NCAM1: variants seen among roughly 807,000 people sequenced by gnomAD.
The protein encoded by NCAM1 is antigen recognized by monoclonal antibody 5.1H11.
NCAM1 carries 14 observed loss-of-function variants against 109.8 expected under a neutral mutation model. The observed-to-expected ratio is 0.13, with a 90% CI of 0.08 to 0.20. NCAM1 has a LOEUF of 0.20. Ranked by LOEUF, NCAM1 falls within the 10% of genes least tolerant of loss-of-function variation. The pLI is 1.00. For synonymous variants in NCAM1, 418 were observed against 442.9 expected, an observed-to-expected ratio of 0.94 and a Z score of 0.70; for missense variants, 774 against 1,109.9, an observed-to-expected ratio of 0.70 and a Z score of 4.30.
intron 1 of NCAM1, among the ~76,000 whole-genome samples, chr11:112,967,335 G>A (rs1185508859): frequency 6.6e-6 from 1 of 152,178 alleles, no homozygotes; most frequent in East Asian, 1.9e-4. Flanking sequence ...TGTTTATTGA[G>A]TGCCAGCTTT....
intron 9 of NCAM1, among the ~76,000 whole-genome samples, chr11:113,222,216 G>T (rs782613282): frequency 1.3e-5 from 2 of 152,152 alleles, no homozygotes; most frequent in South Asian, 4.1e-4. Flanking sequence ...GGCTTTGATC[G>T]TGTAATGCTA....
intron 1 of NCAM1, among the ~76,000 whole-genome samples, chr11:113,075,302 T>A (rs1207489878): frequency 5.9e-5 from 9 of 152,116 alleles, no homozygotes; most frequent in African/African-American, 2.2e-4. Context: ...GCTCCTGGGC[T>A]CAAGAGATCC....
intron 5 of NCAM1, 143 bp downstream of exon 5, chr11:113,206,323 G>A (rs191511839): frequency 9.1e-5 from 66 of 725,770 alleles, no homozygotes; most frequent in African/African-American, 2.6e-4. Flanking sequence ...CCTCCCCACC[G>A]TAACATCTAG....
At chr11:113,143,729 G>A (rs1941915924) in intron 1 of NCAM1, among the ~76,000 whole-genome samples, 1 of 152,202 alleles carries the variant, frequency 6.6e-6, no homozygotes. Context: ...ATGCTTGGTA[G>A]AAGCTCCTCT....
chr11:113,001,542 A>G (rs1420114944), intron 1 of NCAM1, among the ~76,000 whole-genome samples: 5 of 152,210 alleles, frequency 3.3e-5, no homozygotes, highest in Non-Finnish European at 7.3e-5. Context: ...TATCTAGTAA[A>G]TAGCACAGCA....
rs954003937 is a variant in NCAM1 at position 113,273,727 on chromosome 11, C to T, written c.2457-1540C>T. 8.9e-6 allele frequency: 4 copies of T among 447,404 alleles called. No homozygotes were observed. Among genetic ancestry groups the T allele is most frequent in the Admixed American group, 4.9e-5 (2 of 41,116 alleles). 27.7% of individuals were successfully genotyped at this position (447,404 alleles called of 1,614,324 possible). A position where few individuals can be genotyped will look rare whatever the true frequency, so the allele number is the denominator to read the frequency against. The stretch of plus-strand genomic sequence containing the variant: ...CCTTCCACTGCAGACAGCTCTGTTT[C>T]GCCTGCGCCAGCAAAGACCGAGTAC... On this transcript the variant is annotated intron_variant, in intron 19 of 19. Transcript: ENST00000316851. This position sits in a 1 kb window ranked among gnomAD's most constrained non-coding sequence, Gnocchi z 6.0.
intron 1 of NCAM1, among the ~76,000 whole-genome samples, chr11:113,176,861 G>A (rs11214531): frequency 0.13 from 20,125 of 152,040 alleles, 1,453 homozygotes; most frequent in East Asian, 0.27. Flanking sequence ...TACACCACTT[G>A]TTTCCCAGCC....
intron 1 of NCAM1, among the ~76,000 whole-genome samples, chr11:113,048,624 T>A (rs1555081237): frequency 2.0e-5 from 3 of 152,230 alleles, no homozygotes; most frequent in Non-Finnish European, 4.4e-5. Context: ...TAAAGGACTG[T>A]GCTTTGGACT....
chr11:113,169,072 C>CTG (rs1942906450), intron 1 of NCAM1, among the ~76,000 whole-genome samples: 1 of 133,692 alleles, frequency 7.5e-6, no homozygotes, highest in Admixed American at 7.2e-5. Flanking sequence ...GTGTGTGTGT[C>CTG]TGTGTGTGTG....
intron 17 of NCAM1, 122 bp downstream of exon 17, chr11:113,260,445 G>T (rs1379934297): frequency 3.6e-6 from 4 of 1,124,428 alleles, no homozygotes; most frequent in South Asian, 1.6e-5. Context: ...ATGATTGGTT[G>T]CCCATGCAAA....
intron 14 of NCAM1, chr11:113,235,370 G>T: frequency 8.9e-7 from 1 of 1,129,576 alleles, no homozygotes; most frequent in Non-Finnish European, 1.3e-6. Flanking sequence ...TCTCCAAGGG[G>T]TTGGGGACAC....
Position 113,273,060 on chromosome 11 carries a change from A to C in NCAM1, c.2456+1184A>C, listed in dbSNP as rs1591479069. On this transcript the variant is annotated intron_variant, in intron 19 of 19. Coordinates refer to ENST00000316851, the MANE Select transcript of NCAM1 (RefSeq NM_181351.5). This position sits in a 1 kb window ranked among gnomAD's most constrained non-coding sequence, Gnocchi z 6.0. ...GAACAGCCCCACCAGTGAGACCACC[A>C]CCCTGACCTCCAGTATTGCCCCGCC... 2.2e-6 allele frequency: 1 copy of C among 455,062 alleles called. No individual in the cohort carries two copies. 28.2% of individuals were successfully genotyped at this position (455,062 alleles called of 1,614,324 possible). A position where few individuals can be genotyped will look rare whatever the true frequency, so the allele number is the denominator to read the frequency against.
At chr11:113,186,656 G>T (rs1943517491) in intron 1 of NCAM1, among the ~76,000 whole-genome samples, 1 of 152,158 alleles carries the variant, frequency 6.6e-6, no homozygotes, top group Non-Finnish European at 1.5e-5. Flanking sequence ...GGCCTGGGTT[G>T]GTGTTTCATG....
intron 1 of NCAM1, among the ~76,000 whole-genome samples, chr11:113,043,541 T>A (rs1555080306): frequency 6.6e-6 from 1 of 152,138 alleles, no homozygotes; most frequent in African/African-American, 2.4e-5. Flanking sequence ...TTCACCATGT[T>A]GGCCAGGCTG....
intron 1 of NCAM1, among the ~76,000 whole-genome samples, chr11:113,097,839 G>A (rs2135827473): frequency 6.6e-6 from 1 of 152,158 alleles, no homozygotes; most frequent in Non-Finnish European, 1.5e-5. Context: ...ATTTGTACAA[G>A]CTTTTGTGTT....
At chr11:113,253,823 G>T (rs147595532) in intron 15 of NCAM1, among the ~76,000 whole-genome samples, 2 of 152,316 alleles carry the variant, frequency 1.3e-5, no homozygotes, top group East Asian at 3.9e-4. Flanking sequence ...AGTGAACAAA[G>T]TTAAAATAAT....
At chr11:113,239,574 C>T (rs1555118830) in intron 14 of NCAM1, among the ~76,000 whole-genome samples, 1 of 133,152 alleles carries the variant, frequency 7.5e-6, no homozygotes, top group African/African-American at 2.8e-5. Flanking sequence ...GGCGGGATCT[C>T]GGCTCACTGC....
intron 1 of NCAM1, among the ~76,000 whole-genome samples, chr11:112,968,972 C>A (rs1950800910): frequency 6.6e-6 from 1 of 152,126 alleles, no homozygotes; most frequent in African/African-American, 2.4e-5. Context: ...GAAAATAATA[C>A]ATCTGCCTTT....
Position 113,149,104 on chromosome 11 carries a change from C to T in NCAM1, c.53-53275C>T, listed in dbSNP as rs1203026907. ...ACAAATTGCCTATACTTCCTTCAGACCAAGCATCCTGAAAGTCGTTTGAAG... is the reference window on the plus strand; with the variant it reads ...ACAAATTGCCTATACTTCCTTCAGATCAAGCATCCTGAAAGTCGTTTGAAG... On this transcript the variant is annotated intron_variant, in intron 1 of 19. Coordinates refer to ENST00000316851, the MANE Select transcript of NCAM1 (RefSeq NM_181351.5). Among the ~76,000 whole-genome samples, 8 of 152,330 alleles carry T rather than the reference C, an allele frequency of 5.3e-5. No individual in the cohort carries two copies. In the East Asian group the frequency reaches 1.4e-3, roughly 26 times the overall value.
Sources: allele counts gnomAD v4.1 joint callset (sites outside exome capture counted in the v4.1 genomes callset), GRCh38; gene constraint gnomAD v4.1.1; non-coding constraint Gnocchi (gnomAD v3.1); transcripts MANE v1.5; gene names NCBI Gene and HGNC (gene_info 2026-07-23, HGNC 2026-07-21).